TBP: variants seen among roughly 807,000 people sequenced by gnomAD.
The protein encoded by TBP is TATA-box binding protein.
A neutral mutation model predicts 46.2 loss-of-function variants in TBP; 12 were observed. The observed-to-expected ratio is 0.26, with a 90% CI of 0.17 to 0.42. TBP has a LOEUF of 0.42. Ranked by LOEUF, TBP falls within the 10% of genes least tolerant of loss-of-function variation. The pLI, the probability that TBP is intolerant of heterozygous loss-of-function variation, is 1.00. For synonymous variants in TBP, 157 were observed against 148.3 expected (o/e 1.06, Z -0.42); for missense variants, 229 against 403.1 (o/e 0.57, Z 3.70).
intron 3 of TBP, 46 bp from the exon 4 acceptor site, chr6:170,564,499 C>A: frequency 7.2e-7 from 1 of 1,391,538 alleles, no homozygotes; most frequent in Non-Finnish European, 1.0e-6. Context: ...TCCAATGAAA[C>A]TTAAGTAATT....
chr6:170,570,705 T>C (rs1440223010), intron 6 of TBP, among the ~76,000 whole-genome samples: 1 of 152,154 alleles, frequency 6.6e-6, no homozygotes, highest in African/African-American at 2.4e-5. Context: ...TGGTGGTGCA[T>C]GCCTGTAATC....
chr6:170,565,612 A>C (rs1046493559), intron 4 of TBP, among the ~76,000 whole-genome samples: 1 of 152,232 alleles, frequency 6.6e-6, no homozygotes. Flanking sequence ...ACATAATTTT[A>C]TTACTTTACG....
chr6:170,556,693 G>A lies in TBP; in HGVS notation c.-148-189G>A, dbSNP rs1002973100. On this transcript the variant is annotated intron_variant, in intron 1 of 7. Coordinates refer to ENST00000392092, the MANE Select transcript of TBP (RefSeq NM_003194.5). Reference sequence around the variant, plus strand: ...ACAAAATGATTTTTGTTTTGTTGGCGATTTTACATGCAATCGCCGGAAACA... The same window carrying A: ...ACAAAATGATTTTTGTTTTGTTGGCAATTTTACATGCAATCGCCGGAAACA... Among the ~76,000 whole-genome samples, 22 of 152,104 alleles carry A rather than the reference G, an allele frequency of 1.4e-4. 1 individual carries two copies. The highest frequency in any genetic ancestry group is 3.9e-4 in the African/African-American group (16 of 41,412).
At position 170,562,268 on chromosome 6, in the gene TBP, A is replaced by G. The variant is rs745875839; in HGVS notation, c.497+35A>G. 1.1e-5 allele frequency: 17 copies of G among 1,589,768 alleles called. No individual in the cohort carries two copies. The South Asian group carries it at 1.9e-4, about 18-fold the overall frequency. On this transcript the variant is annotated intron_variant, in intron 3 of 7. Coordinates refer to ENST00000392092, the MANE Select transcript of TBP (RefSeq NM_003194.5). ...TCGTGTTTTATGTTTCCTCCCACTT[A>G]GGAGTCCCTTTGAGTTATGTTCCTG...
chr6:170,555,828 A>C (rs1217489226), intron 1 of TBP, among the ~76,000 whole-genome samples: 3 of 152,204 alleles, frequency 2.0e-5, no homozygotes, highest in Non-Finnish European at 4.4e-5. Flanking sequence ...TATGTTTTAC[A>C]GTAGTTATTT....
rs201584904 is a variant in TBP at position 170,562,276 on chromosome 6, C to T, written c.497+43C>T. The T allele has an allele frequency of 2.0e-4, 320 of 1,573,560 alleles. 1 individual carries two copies. The South Asian group carries it at 2.7e-3, about 13-fold the overall frequency. The stretch of plus-strand genomic sequence containing the variant: ...TATGTTTCCTCCCACTTAGGAGTCC[C>T]TTTGAGTTATGTTCCTGCTCTGTTT... On this transcript the variant is annotated intron_variant, in intron 3 of 7. Transcript: ENST00000392092.
In TBP at chr6:170,566,988, T is replaced by G. The variant is rs748590964; in HGVS notation, c.656T>G (p.Met219Arg). The part of the protein sequence containing the change: ...TTALIFSSGK[M>R]VCTGAKSEEQ... ...GCACTGATTTTCAGTTCTGGGAAAA[T>G]GGTGTGCACAGGAGCCAAGAGGTAG... The change falls in exon 5 of 8, where the codon ATG (methionine) becomes AGG (arginine). Residue 219 changes from methionine (M) to arginine (R), a missense_variant. By Grantham distance (91) the Met-to-Arg change is moderately conservative. Coordinates refer to ENST00000392092, the MANE Select transcript of TBP (RefSeq NM_003194.5). 1 of 1,613,588 alleles carries G rather than the reference T, an allele frequency of 6.2e-7. No homozygotes were observed. The highest frequency in any genetic ancestry group is 2.2e-5 in the East Asian group (1 of 44,856).
Position 170,571,487 on chromosome 6 carries a change from G to A in TBP, c.923G>A (p.Gly308Glu), listed in dbSNP as rs533679967. Residue 308 changes from glycine (G) to glutamate (E), a missense_variant, in exon 7 of 8, where the codon GGA becomes GAA. Gly to Glu is a moderately conservative substitution (Grantham distance 98). Coordinates refer to ENST00000392092, the MANE Select transcript of TBP (RefSeq NM_003194.5). The part of the protein sequence containing the change: ...PRIVLLIFVS[G>E]KVVLTGAKVR... Reference sequence around the variant, plus strand: ...ATTGTTCTCCTTATTTTTGTTTCTGGAAAAGTTGTATTAACAGGTAAGTTG... The same window carrying A: ...ATTGTTCTCCTTATTTTTGTTTCTGAAAAAGTTGTATTAACAGGTAAGTTG... 6.2e-7 allele frequency: 1 copy of A among 1,613,114 alleles called. No individual in the cohort carries two copies. Among genetic ancestry groups the A allele is most frequent in the Non-Finnish European group, 8.5e-7 (1 of 1,179,208 alleles).
At chr6:170,562,364 C>A in intron 3 of TBP, 131 bp downstream of exon 3, 1 of 1,048,018 alleles carries the variant, frequency 9.5e-7, no homozygotes, top group Non-Finnish European at 1.4e-6. Context: ...TCAAAATTTG[C>A]TTTATCTCAC....
chr6:170,560,346 T>G (rs565657951), intron 2 of TBP, among the ~76,000 whole-genome samples: 2 of 151,560 alleles, frequency 1.3e-5, no homozygotes, highest in South Asian at 2.1e-4. Context: ...AAAAAAAAAT[T>G]TTTTTTTAAT....
In TBP at chr6:170,556,973, T is replaced by C; in HGVS notation, c.-57T>C. 2 of 1,566,942 alleles carry C rather than the reference T, an allele frequency of 1.3e-6. No homozygotes were observed. The highest frequency in any genetic ancestry group is 1.8e-6 in the Non-Finnish European group (2 of 1,139,192). Reference sequence around the variant, plus strand: ...GGAGATGCTCTAGGAAAAAATTGAATAGTGAGACGAGTTCCAGCGCAAGGG... The same window carrying C: ...GGAGATGCTCTAGGAAAAAATTGAACAGTGAGACGAGTTCCAGCGCAAGGG... On this transcript the variant is annotated 5_prime_UTR_variant, in exon 2 of 8. Transcript: ENST00000392092.
At chr6:170,568,794 C>CCT (rs200314563) in intron 5 of TBP, among the ~76,000 whole-genome samples, 87 of 57,448 alleles carry the variant, frequency 1.5e-3, no homozygotes, top group African/African-American at 6.9e-3. Flanking sequence ...CTTTTTTTCT[C>CCT]TTCTTTCTTT....
Position 170,561,946 on chromosome 6 carries a change from G to GCAACAA in TBP, c.212_213insACAACA (p.Gln94_Gln95dup). 1 of 1,571,026 alleles carries GCAACAA rather than the reference G, an allele frequency of 6.4e-7. No individual in the cohort carries two copies. The highest frequency in any genetic ancestry group is 8.6e-7 in the Non-Finnish European group (1 of 1,168,340). ...AACAACAGCAGCAGCAGCAGCAGCA[G>GCAACAA]CAGCAACAGCAACAGCAGCAGCAGC... On this transcript the variant is annotated inframe_insertion, in exon 3 of 8. Coordinates refer to ENST00000392092, the MANE Select transcript of TBP (RefSeq NM_003194.5).
At chr6:170,567,686 T>A (rs1006711452) in intron 5 of TBP, among the ~76,000 whole-genome samples, 1 of 152,204 alleles carries the variant, frequency 6.6e-6, no homozygotes, top group African/African-American at 2.4e-5. Context: ...CAGCATCACA[T>A]GTGTTGGCTG....
chr6:170,569,390 G>A (rs1398097702), intron 5 of TBP, among the ~76,000 whole-genome samples: 5 of 152,142 alleles, frequency 3.3e-5, no homozygotes, highest in Admixed American at 1.3e-4. Flanking sequence ...ATAATTTGGC[G>A]GATTGAAAGG....
intron 5 of TBP, among the ~76,000 whole-genome samples, chr6:170,568,678 C>A (rs1430714355): frequency 6.6e-6 from 1 of 151,808 alleles, no homozygotes; most frequent in Non-Finnish European, 1.5e-5. Flanking sequence ...TGGTCTCAAT[C>A]TCCTGACCTC....
At chr6:170,565,068 A>G (rs1779220071) in intron 4 of TBP, among the ~76,000 whole-genome samples, 1 of 152,062 alleles carries the variant, frequency 6.6e-6, no homozygotes, top group South Asian at 2.1e-4. Flanking sequence ...GAGGCAGGAG[A>G]ATCACTTGAT....
rs147491896 is a variant in TBP at position 170,566,408 on chromosome 6, T to C, written c.586-510T>C. 2.4e-3 allele frequency among the ~76,000 whole-genome samples: 360 copies of C among 152,372 alleles called. 2 individuals carry two copies. Among genetic ancestry groups the C allele is most frequent in the African/African-American group, 8.3e-3 (344 of 41,590 alleles). On this transcript the variant is annotated intron_variant, in intron 4 of 7. Coordinates refer to ENST00000392092, the MANE Select transcript of TBP (RefSeq NM_003194.5). ...TGCATTTATGTGTTTAATACATTAA[T>C]ATTGTTTCTAAAGACCAATTGAAAG...
chr6:170,555,939 G>GT (rs1779017001), intron 1 of TBP, among the ~76,000 whole-genome samples: 1 of 151,836 alleles, frequency 6.6e-6, no homozygotes, highest in Non-Finnish European at 1.5e-5. Context: ...TAGGATAACT[G>GT]TCAAAAAAAA....
Sources: gnomAD v4.1 joint callset for allele counts (sites outside exome capture counted in the v4.1 genomes callset) on GRCh38, gnomAD v4.1.1 for gene constraint, MANE v1.5 for transcripts, NCBI Gene and HGNC (gene_info 2026-07-23, HGNC 2026-07-21) for gene names.